The following CACNA2D3 variants were observed in gnomAD, a reference collection of about 807,000 sequenced individuals.
CACNA2D3 encodes calcium voltage-gated channel auxiliary subunit alpha2delta 3, also known as voltage-dependent calcium channel subunit alpha-2/delta-3.
CACNA2D3 carries 60 observed loss-of-function variants against 160.6 expected under a neutral mutation model. The ratio of observed to expected loss-of-function variants is 0.37; its 90% confidence interval spans 0.30 to 0.46. The LOEUF (loss-of-function observed/expected upper bound fraction) is 0.46. Among genes scored for constraint, CACNA2D3 ranks in the 20% least tolerant of loss-of-function variants. The pLI, the probability that CACNA2D3 is intolerant of heterozygous loss-of-function variation, is 1.00. For missense variants in CACNA2D3, 1,205 were observed against 1,365.0 expected (o/e 0.88, Z 1.85); for synonymous variants, 558 against 492.9 (o/e 1.13, Z -1.75).
At chr3:54,813,253 G>A (rs1410702183) in intron 13 of CACNA2D3, among the ~76,000 whole-genome samples, 3 of 152,184 alleles carry the variant, frequency 2.0e-5, no homozygotes, top group Admixed American at 1.3e-4. Context: ...CCCTCATGGA[G>A]TAAATGAGGA....
At chr3:54,487,013 C>T (rs1296501226) in intron 4 of CACNA2D3, among the ~76,000 whole-genome samples, 2 of 152,146 alleles carry the variant, frequency 1.3e-5, no homozygotes, top group Admixed American at 6.5e-5. Flanking sequence ...TATTAGTCAC[C>T]TCCTTTTCCT....
At chr3:54,540,763 A>G (rs1294339968) in intron 5 of CACNA2D3, among the ~76,000 whole-genome samples, 1 of 152,140 alleles carries the variant, frequency 6.6e-6, no homozygotes, top group East Asian at 1.9e-4. Flanking sequence ...TGATTTAATT[A>G]CCACCCAAAG....
At chr3:54,990,187 G>A (rs1022032144) in intron 31 of CACNA2D3, among the ~76,000 whole-genome samples, 6 of 152,096 alleles carry the variant, frequency 3.9e-5, no homozygotes, top group Admixed American at 6.5e-5. Flanking sequence ...GGACAGCACC[G>A]GGCTGGCCCT....
chr3:54,626,633 T>G, intron 9 of CACNA2D3: 1 of 1,155,220 alleles, frequency 8.7e-7, no homozygotes, highest in Non-Finnish European at 1.3e-6. Context: ...TCCTCCCGCT[T>G]CATCCCTCTC....
chr3:54,928,505 A>G (rs1051157496), intron 27 of CACNA2D3, among the ~76,000 whole-genome samples: 21 of 152,140 alleles, frequency 1.4e-4, no homozygotes, highest in African/African-American at 5.1e-4. Flanking sequence ...CTGGAGGCTG[A>G]CACGGTTTGC....
intron 27 of CACNA2D3, among the ~76,000 whole-genome samples, chr3:54,905,309 T>C (rs1194379383): frequency 6.6e-6 from 1 of 152,202 alleles, no homozygotes; most frequent in East Asian, 1.9e-4. Context: ...GGAAAGGGAT[T>C]GATTAACATC....
At chr3:54,736,066 T>C (rs1701507822) in intron 11 of CACNA2D3, among the ~76,000 whole-genome samples, 1 of 27,576 alleles carries the variant, frequency 3.6e-5, no homozygotes, top group African/African-American at 8.8e-5. Flanking sequence ...TGTATGTATA[T>C]ATATATACAT....
At chr3:54,338,467 CTGTGTGTGTGTGTGTGTGTGTG>C (rs71074965) in intron 3 of CACNA2D3, among the ~76,000 whole-genome samples, 1 of 136,438 alleles carries the variant, frequency 7.3e-6, no homozygotes, top group Non-Finnish European at 1.6e-5. Context: ...TCTCCCCTCC[CTGTGTGTGTGTGTGTGTGTGTG>C]TGTGTGTGTG....
intron 4 of CACNA2D3, among the ~76,000 whole-genome samples, chr3:54,433,705 T>G (rs1406762133): frequency 1.3e-5 from 2 of 152,176 alleles, no homozygotes; most frequent in African/African-American, 2.4e-5. Flanking sequence ...CCTCTGAGTT[T>G]CCTTGTTACT....
At chr3:54,945,649 C>T (rs1047036705) in intron 27 of CACNA2D3, among the ~76,000 whole-genome samples, 1 of 152,194 alleles carries the variant, frequency 6.6e-6, no homozygotes, top group Non-Finnish European at 1.5e-5. Context: ...GAATCTCAAG[C>T]TTATCCAGTG....
intron 8 of CACNA2D3, among the ~76,000 whole-genome samples, chr3:54,580,181 G>C (rs1224123505): frequency 6.6e-6 from 1 of 152,088 alleles, no homozygotes; most frequent in African/African-American, 2.4e-5. Flanking sequence ...GATTGGACGT[G>C]CTTGCCAAAC....
intron 11 of CACNA2D3, among the ~76,000 whole-genome samples, chr3:54,648,165 T>C (rs1699689756): frequency 6.6e-6 from 1 of 152,244 alleles, no homozygotes; most frequent in South Asian, 2.1e-4. Context: ...GTTGACAAAC[T>C]GTGGTCCATG....
chr3:54,865,787 G>A (rs1193854274), intron 17 of CACNA2D3, among the ~76,000 whole-genome samples: 1 of 152,194 alleles, frequency 6.6e-6, no homozygotes, highest in Non-Finnish European at 1.5e-5. Flanking sequence ...TGGCCAAATG[G>A]GCGTGTTTTC....
At chr3:54,798,324 GGA>G (rs1305909674) in intron 13 of CACNA2D3, among the ~76,000 whole-genome samples, 2 of 152,016 alleles carry the variant, frequency 1.3e-5, no homozygotes, top group African/African-American at 4.8e-5. Context: ...CGCGAGGTTG[GGA>G]GATTGAGACC....
At chr3:54,717,703 GTGTGTGCA>G (rs1388192120) in intron 11 of CACNA2D3, among the ~76,000 whole-genome samples, 1 of 142,122 alleles carries the variant, frequency 7.0e-6, no homozygotes, top group African/African-American at 2.6e-5. Context: ...CGTGTGTGTG[GTGTGTGCA>G]TGTGTGCGTG....
At chr3:54,464,718 C>T (rs1166269491) in intron 4 of CACNA2D3, among the ~76,000 whole-genome samples, 5 of 152,250 alleles carry the variant, frequency 3.3e-5, no homozygotes, top group Non-Finnish European at 5.9e-5. Context: ...CCTGACCCCT[C>T]GCGCTTCCTG....
chr3:54,608,357 C>T (rs1302659461), intron 9 of CACNA2D3, among the ~76,000 whole-genome samples: 2 of 152,078 alleles, frequency 1.3e-5, no homozygotes, highest in East Asian at 3.8e-4. Flanking sequence ...TTAAACATTC[C>T]CCTAATAGCA....
chr3:54,969,969 A>G (rs1419983613), intron 29 of CACNA2D3, 125 bp downstream of exon 29: 1 of 610,924 alleles, frequency 1.6e-6, no homozygotes, highest in Non-Finnish European at 2.7e-6. Flanking sequence ...CCAATCTAAA[A>G]AAAAAAAAAT....
intron 3 of CACNA2D3, among the ~76,000 whole-genome samples, chr3:54,331,290 A>G (rs893167128): frequency 5.9e-5 from 9 of 152,208 alleles, no homozygotes; most frequent in Admixed American, 2.6e-4. Flanking sequence ...TAGAAAAGCA[A>G]TCAGCATCAG....
Sources: allele counts gnomAD v4.1 joint callset (sites outside exome capture counted in the v4.1 genomes callset), GRCh38; gene constraint gnomAD v4.1.1; transcripts MANE v1.5; gene names NCBI Gene and HGNC (gene_info 2026-07-23, HGNC 2026-07-21).